Variants in TIAM1 observed in about 807,000 individuals in gnomAD.
TIAM1 encodes TIAM Rac1 associated GEF 1.
A neutral mutation model predicts 163.5 loss-of-function variants in TIAM1; 65 were observed. The ratio of observed to expected loss-of-function variants is 0.40; its 90% CI spans 0.33 to 0.49. The LOEUF (loss-of-function observed/expected upper bound fraction) is 0.49. TIAM1 is among the 20% of genes least tolerant of loss of function. TIAM1 has a pLI of 0.77. For missense variants in TIAM1, 1,789 were observed against 2,044.7 expected (o/e 0.87, Z 2.41); for synonymous variants, 833 against 810.1 (o/e 1.03, Z -0.48).
chr21:31,219,024 C>CTTTTTT (rs35555743), intron 8 of TIAM1, among the ~76,000 whole-genome samples: 6 of 88,530 alleles, frequency 6.8e-5, no homozygotes, highest in Non-Finnish European at 1.1e-4. Flanking sequence ...GAAGCATTTC[C>CTTTTTT]TTTTTTTTTT....
chr21:31,469,854 A>T (rs998228481), intron 1 of TIAM1, among the ~76,000 whole-genome samples: 4 of 151,862 alleles, frequency 2.6e-5, no homozygotes, highest in South Asian at 2.1e-4. Flanking sequence ...AACAAAAAAA[A>T]AATCAATTTT....
chr21:31,460,703 C>G (rs1479106420), intron 2 of TIAM1, among the ~76,000 whole-genome samples: 3 of 152,192 alleles, frequency 2.0e-5, no homozygotes, highest in Non-Finnish European at 2.9e-5. Context: ...GGTCCTTCAT[C>G]CACCCAAACT....
At chr21:31,226,015 G>T in intron 6 of TIAM1, 65 bp from the exon 7 acceptor site, 1 of 1,458,516 alleles carries the variant, frequency 6.9e-7, no homozygotes, top group Non-Finnish European at 9.5e-7. Context: ...AAATGAACCG[G>T]AGCATTTCCA....
Position 31,251,996 on chromosome 21 carries a change from T to C in TIAM1, c.1157A>G (p.Asn386Ser). 1 of 1,613,998 alleles carries C rather than the reference T, an allele frequency of 6.2e-7. No homozygotes were observed. Among genetic ancestry groups the C allele is most frequent in the Non-Finnish European group, 8.5e-7 (1 of 1,179,910 alleles). ...GCTCATCTCCAGCTCCCGCCGGAAG[T>C]TCTCGTACACCCCCTGACGAGCCGC... The part of the protein sequence containing the change: ...GDAARQGVYE[N>S]FRRELEMSTT... Residue 386 changes from asparagine to serine, a missense_variant, in exon 5 of 28, where the codon AAC becomes AGC. Asn to Ser is a conservative substitution (Grantham distance 46, BLOSUM62 1). Around this residue, in one of 5 missense-constraint regions of TIAM1, gnomAD observed 555 missense variants for 564.9 expected, o/e 0.98. Transcript: ENST00000541036.
At position 31,120,906 on chromosome 21, in the gene TIAM1, G is replaced by A. The variant is rs2081978508; in HGVS notation, c.4307-69C>T. On this transcript the variant is annotated intron_variant, in intron 27 of 27. Transcript: ENST00000541036. The surrounding 1 kb of genome is among the most constrained non-coding windows in gnomAD (Gnocchi z 4.2). Reference sequence around the variant, plus strand: ...TTTACGTGAGATGAAAATCCAGAAAGCAAAGGACAGGAGAAAATAAAAACC... The same window carrying A: ...TTTACGTGAGATGAAAATCCAGAAAACAAAGGACAGGAGAAAATAAAAACC... 8 of 1,437,108 alleles carry A rather than the reference G, an allele frequency of 5.6e-6. No homozygotes were observed. Among genetic ancestry groups the A allele is most frequent in the Non-Finnish European group, 7.4e-6 (8 of 1,081,782 alleles). 89.0% of individuals were successfully genotyped at this position (1,437,108 alleles called of 1,614,324 possible).
At chr21:31,375,884 G>T (rs988808267) in intron 2 of TIAM1, among the ~76,000 whole-genome samples, 1 of 151,492 alleles carries the variant, frequency 6.6e-6, no homozygotes, top group Non-Finnish European at 1.5e-5. Context: ...AAAATTAGCC[G>T]GGCATGATGG....
intron 2 of TIAM1, among the ~76,000 whole-genome samples, chr21:31,419,514 T>G (rs555380319): frequency 1.3e-5 from 2 of 152,332 alleles, no homozygotes; most frequent in African/African-American, 2.4e-5. Flanking sequence ...AATACTAGTA[T>G]GTCCAGACGC....
intron 25 of TIAM1, among the ~76,000 whole-genome samples, chr21:31,127,579 G>A (rs974338059): frequency 1.3e-5 from 2 of 151,868 alleles, no homozygotes; most frequent in Admixed American, 6.6e-5. Context: ...CCCCACGCCC[G>A]GCTAATTTTT....
At chr21:31,351,072 C>T (rs1327326266) in intron 2 of TIAM1, among the ~76,000 whole-genome samples, 2 of 152,242 alleles carry the variant, frequency 1.3e-5, no homozygotes, top group African/African-American at 4.8e-5. Flanking sequence ...TTGCTGCCAT[C>T]TTCCCTAATG....
Position 31,141,848 on chromosome 21 carries a change from C to T in TIAM1, c.3476-344G>A, listed in dbSNP as rs1425541005. ...TTTTGACACCTGGGGCCTTACTGTC[C>T]ATGGGGAGACTGCCCCGCCCACGCT... is the stretch of plus-strand genomic sequence containing the variant. On this transcript the variant is annotated intron_variant, in intron 20 of 27. Coordinates refer to ENST00000541036, the MANE Select transcript of TIAM1 (RefSeq NM_001353694.2). The surrounding 1 kb of genome is among the most constrained non-coding windows in gnomAD (Gnocchi z 4.7). 1.3e-5 allele frequency among the ~76,000 whole-genome samples: 2 copies of T among 152,088 alleles called. No homozygotes were observed. Among genetic ancestry groups the T allele is most frequent in the African/African-American group, 4.8e-5 (2 of 41,406 alleles).
chr21:31,198,610 C>T (rs536205443), intron 12 of TIAM1, among the ~76,000 whole-genome samples: 2 of 152,214 alleles, frequency 1.3e-5, no homozygotes, highest in Admixed American at 6.5e-5. Flanking sequence ...TTATCAACTA[C>T]GTTCACTTCA....
intron 2 of TIAM1, among the ~76,000 whole-genome samples, chr21:31,285,190 C>G (rs1472298812): frequency 6.6e-6 from 1 of 152,046 alleles, no homozygotes. Context: ...CAAGCCACCC[C>G]CCCAAGCCAA....
chr21:31,502,665 T>A (rs1445006185), intron 1 of TIAM1, among the ~76,000 whole-genome samples: 1 of 152,204 alleles, frequency 6.6e-6, no homozygotes, highest in South Asian at 2.1e-4. Context: ...CCTTAAGATG[T>A]ATTATGCCTA....
At chr21:31,224,859 C>A (rs2087847096) in intron 7 of TIAM1, among the ~76,000 whole-genome samples, 2 of 152,122 alleles carry the variant, frequency 1.3e-5, no homozygotes, top group African/African-American at 4.8e-5. Flanking sequence ...GACAAAGTGT[C>A]AAAGCACTAC....
chr21:31,197,525 G>A lies in TIAM1; in HGVS notation c.2494-2220C>T, dbSNP rs574370569. 8.3e-5 allele frequency among the ~76,000 whole-genome samples: 12 copies of A among 144,150 alleles called. No individual in the cohort carries two copies. The South Asian group carries it at 1.1e-3, about 13-fold the overall frequency. 94.6% of individuals were successfully genotyped at this position (144,150 alleles called of 152,430 possible). ...CGAGTAGCTGGGACTACAGGCGCCC[G>A]CCACCGCGCCCGGCTTTTTTTTTTT... On this transcript the variant is annotated intron_variant, in intron 12 of 27. Coordinates refer to ENST00000541036, the MANE Select transcript of TIAM1 (RefSeq NM_001353694.2).
chr21:31,412,785 A>G (rs1017372128), intron 2 of TIAM1, among the ~76,000 whole-genome samples: 1 of 88,782 alleles, frequency 1.1e-5, no homozygotes, highest in Non-Finnish European at 2.0e-5. Context: ...GTCTCAGGTT[A>G]AAAAAAAAAA....
At chr21:31,147,728 T>C (rs969283301) in intron 19 of TIAM1, among the ~76,000 whole-genome samples, 6 of 143,802 alleles carry the variant, frequency 4.2e-5, no homozygotes, top group Non-Finnish European at 6.0e-5. Context: ...ATATAAAATA[T>C]ATAATATATA....
chr21:31,146,584 G>A (rs1183027204), intron 20 of TIAM1, among the ~76,000 whole-genome samples: 5 of 151,798 alleles, frequency 3.3e-5, no homozygotes, highest in Non-Finnish European at 5.9e-5. Flanking sequence ...GGTGGTGCAC[G>A]CCTGTAATCC....
At chr21:31,529,722 T>C (rs2047911770) in intron 1 of TIAM1, among the ~76,000 whole-genome samples, 1 of 152,172 alleles carries the variant, frequency 6.6e-6, no homozygotes, top group Non-Finnish European at 1.5e-5. Context: ...AAGACAGCTG[T>C]GCAGACATGT....
Sources: allele counts gnomAD v4.1 joint callset (sites outside exome capture counted in the v4.1 genomes callset), GRCh38; gene constraint gnomAD v4.1.1; regional missense constraint gnomAD v4.1.1; non-coding constraint Gnocchi (gnomAD v3.1); transcripts MANE v1.5; gene names NCBI Gene and HGNC (gene_info 2026-07-23, HGNC 2026-07-21).